The following EVC2 variants were observed in gnomAD, a reference collection of about 807,000 sequenced individuals.
The protein encoded by EVC2 is EvC ciliary complex subunit 2, also known as limbin.
In EVC2, 148 loss-of-function variants were observed where a neutral mutation model predicts 149.3. The observed-to-expected ratio is 0.99, with a 90% CI of 0.87 to 1.14. The LOEUF is 1.14. Ranked by LOEUF, EVC2 falls within the 50% of genes most tolerant of loss-of-function variation. The pLI is 0.00. For missense variants in EVC2, 1,854 were observed against 1,627.3 expected, an observed-to-expected ratio of 1.14 and a Z score of -2.40; for synonymous variants, 776 against 649.9, an observed-to-expected ratio of 1.19 and a Z score of -2.95.
At chr4:5,598,306 T>C (rs1713643147) in intron 16 of EVC2, among the ~76,000 whole-genome samples, 1 of 151,784 alleles carries the variant, frequency 6.6e-6, no homozygotes, top group African/African-American at 2.4e-5. Flanking sequence ...TCATGCTACC[T>C]GACTTCAAAC....
chr4:5,535,191 TCAGCTCCCAGTGC>T, the EVC2 span, among the ~76,000 whole-genome samples: 2 of 152,086 alleles, frequency 1.3e-5, no homozygotes, highest in Non-Finnish European at 1.5e-5. The surrounding 1 kb of genome is among the most constrained non-coding windows in gnomAD (Gnocchi z 4.7). Context: ...CACAGACATC[TCAGCTCCCAGTGC>T]CAGCTCCCAG....
intron 7 of EVC2, among the ~76,000 whole-genome samples, chr4:5,675,775 T>C (rs1174859442): frequency 6.6e-6 from 1 of 152,066 alleles, no homozygotes; most frequent in Non-Finnish European, 1.5e-5. Flanking sequence ...TGAAACTCCA[T>C]CTCTACTAAT....
At chr4:5,587,455 T>G (rs1712391188) in intron 16 of EVC2, among the ~76,000 whole-genome samples, 1 of 152,394 alleles carries the variant, frequency 6.6e-6, no homozygotes, top group East Asian at 1.9e-4. Flanking sequence ...TTTTTATGGC[T>G]GCATCATATT....
the EVC2 span, among the ~76,000 whole-genome samples, chr4:5,536,139 T>A: frequency 6.6e-6 from 1 of 152,098 alleles, no homozygotes; most frequent in Non-Finnish European, 1.5e-5. Flanking sequence ...AGGTTCACCA[T>A]ATCCAACTTT....
At chr4:5,564,597 A>T (rs188702623) in intron 21 of EVC2, among the ~76,000 whole-genome samples, 10 of 152,306 alleles carry the variant, frequency 6.6e-5, no homozygotes, top group Admixed American at 5.9e-4. Flanking sequence ...CTACACACTG[A>T]TATCACTGTT....
At chr4:5,545,322 T>C (rs1426924255) in intron 21 of EVC2, among the ~76,000 whole-genome samples, 1 of 152,166 alleles carries the variant, frequency 6.6e-6, no homozygotes, top group Non-Finnish European at 1.5e-5. Context: ...GAAGTCAGTA[T>C]GGTGTGTTAG....
At position 5,640,498 on chromosome 4, in the gene EVC2, T is replaced by G. The variant is rs1256564632; in HGVS notation, c.1470+16A>C. ...GAGAAAGGGAAGTGAACGCCTTCCT[T>G]TCAGACCTGTCTTACCCTCTCACCA... On this transcript the variant is annotated intron_variant, in intron 10 of 21. Coordinates refer to ENST00000344408, the MANE Select transcript of EVC2 (RefSeq NM_147127.5). The surrounding 1 kb of genome is among the most constrained non-coding windows in gnomAD (Gnocchi z 4.6). 3.7e-6 allele frequency: 6 copies of G among 1,614,018 alleles called. No individual in the cohort carries two copies. The highest frequency in any genetic ancestry group is 4.2e-6 in the Non-Finnish European group (5 of 1,179,970).
chr4:5,697,387 G>C (rs569637644), intron 2 of EVC2, among the ~76,000 whole-genome samples: 3 of 152,314 alleles, frequency 2.0e-5, no homozygotes, highest in African/African-American at 7.2e-5. Flanking sequence ...CTCACCCTAG[G>C]TTCCACTGTG....
At chr4:5,656,385 G>C (rs1244697693) in intron 9 of EVC2, among the ~76,000 whole-genome samples, 1 of 152,076 alleles carries the variant, frequency 6.6e-6, no homozygotes, top group Non-Finnish European at 1.5e-5. Context: ...TCATCCTCTT[G>C]AGATGTTGCG....
intron 16 of EVC2, among the ~76,000 whole-genome samples, chr4:5,590,810 G>A (rs979196790): frequency 2.6e-5 from 4 of 152,156 alleles, no homozygotes; most frequent in Admixed American, 1.3e-4. Flanking sequence ...CTAAGAGTGA[G>A]TAATTTATAA....
intron 13 of EVC2, 106 bp from the exon 14 acceptor site, chr4:5,623,097 C>A (rs1715843769): frequency 1.9e-6 from 2 of 1,029,314 alleles, no homozygotes; most frequent in African/African-American, 1.6e-5. Flanking sequence ...TAGCCTTTTC[C>A]CCAACAATCT....
In EVC2 at chr4:5,625,958, T is replaced by C. The variant is rs763413178; in HGVS notation, c.1887-50A>G. The C allele has an allele frequency of 1.9e-6, 3 of 1,605,288 alleles. No individual in the cohort carries two copies. The highest frequency in any genetic ancestry group is 4.5e-5 in the East Asian group (2 of 44,812). On this transcript the variant is annotated intron_variant, in intron 12 of 21. Coordinates refer to ENST00000344408, the MANE Select transcript of EVC2 (RefSeq NM_147127.5). The surrounding 1 kb of genome is among the most constrained non-coding windows in gnomAD (Gnocchi z 4.0). ...GGAATGTGGTCTCCAAACTCACCTG[T>C]AGCTTAACTGCTATTGTGCCTGAAC... is the stretch of plus-strand genomic sequence containing the variant.
At chr4:5,699,759 G>C in intron 1 of EVC2, among the ~76,000 whole-genome samples, 1 of 151,784 alleles carries the variant, frequency 6.6e-6, no homozygotes. Context: ...GGAGGTCGAG[G>C]CTGCAGTGAG....
chr4:5,552,014 G>T (rs1027399858), intron 21 of EVC2, among the ~76,000 whole-genome samples: 1 of 152,086 alleles, frequency 6.6e-6, no homozygotes, highest in African/African-American at 2.4e-5. Context: ...CCCAGTCTCG[G>T]GTATGTCTTT....
At chr4:5,708,731 A>T (rs1013699176), upstream of EVC2, 1 of 445,882 alleles carries the variant, frequency 2.2e-6, no homozygotes, top group Admixed American at 4.5e-5. Context: ...CCCGGCGGCC[A>T]GGCCTGGGTT....
At chr4:5,577,198 A>T (rs1235254383) in intron 17 of EVC2, among the ~76,000 whole-genome samples, 1 of 152,240 alleles carries the variant, frequency 6.6e-6, no homozygotes, top group African/African-American at 2.4e-5. Flanking sequence ...TGATGTAACT[A>T]TTGAGTGGCA....
chr4:5,534,059 T>A, the EVC2 span, among the ~76,000 whole-genome samples: 1 of 152,138 alleles, frequency 6.6e-6, no homozygotes. Flanking sequence ...TTAAGAGCGA[T>A]GAGGAGGCAC....
intron 7 of EVC2, among the ~76,000 whole-genome samples, chr4:5,666,034 A>G (rs1289440458): frequency 6.6e-6 from 1 of 152,192 alleles, no homozygotes; most frequent in African/African-American, 2.4e-5. Flanking sequence ...CAGAGGCCAG[A>G]GGAAGAACCC....
intron 5 of EVC2, among the ~76,000 whole-genome samples, chr4:5,685,996 G>A (rs1354610617): frequency 1.3e-5 from 2 of 151,662 alleles, no homozygotes; most frequent in African/African-American, 2.4e-5. Context: ...GCCCTAAAAC[G>A]CCACAATATG....
Sources: gnomAD v4.1 joint callset for allele counts (sites outside exome capture counted in the v4.1 genomes callset) on GRCh38, gnomAD v4.1.1 for gene constraint, Gnocchi (gnomAD v3.1) non-coding constraint, MANE v1.5 for transcripts, NCBI Gene and HGNC (gene_info 2026-07-23, HGNC 2026-07-21) for gene names.